Variants in ROS1 observed in about 807,000 individuals in gnomAD.
ROS1 encodes proto-oncogene tyrosine-protein kinase ROS.
ROS1 carries 263 observed loss-of-function variants against 273.5 expected under a neutral mutation model. The observed-to-expected ratio is 0.96, with a 90% CI of 0.87 to 1.06. The LOEUF (loss-of-function observed/expected upper bound fraction) is 1.06, where lower values mean the gene tolerates loss of function less well. Ranked by LOEUF, ROS1 falls within the 50% of genes least tolerant of loss-of-function variation. The pLI, the probability that ROS1 is intolerant of heterozygous loss-of-function variation, is 0.00. For synonymous variants in ROS1, 1,008 were observed against 954.1 expected (o/e 1.06, Z -1.04); for missense variants, 2,833 against 2,751.1 (o/e 1.03, Z -0.67).
At chr6:117,316,506 A>C (rs1361191991) in intron 39 of ROS1, among the ~76,000 whole-genome samples, 1 of 152,130 alleles carries the variant, frequency 6.6e-6, no homozygotes, top group Non-Finnish European at 1.5e-5. Flanking sequence ...AGTCACCCCC[A>C]GTCCTGTCCG....
intron 3 of ROS1, among the ~76,000 whole-genome samples, chr6:117,415,853 C>G (rs1036436732): frequency 6.6e-6 from 1 of 152,154 alleles, no homozygotes. Context: ...GTTACAAGTG[C>G]AGAATCTCAG....
chr6:117,412,114 GGCCA>G (rs1774961523), intron 4 of ROS1, among the ~76,000 whole-genome samples: 1 of 152,092 alleles, frequency 6.6e-6, no homozygotes, highest in African/African-American at 2.4e-5. Flanking sequence ...AGGTCAGTGT[GGCCA>G]GCACAGAGAC....
In ROS1 at chr6:117,399,257, C is replaced by T. The variant is rs78175683; in HGVS notation, c.605-2141G>A. On this transcript the variant is annotated intron_variant, in intron 7 of 43. Coordinates refer to ENST00000368507, the MANE Select transcript of ROS1 (RefSeq NM_001378902.1). ...GATTTGCCCAGCCAATGTCCCTGCA[C>T]GGTATTTCTGTAGCACCGGAAAATG... 1.8e-3 allele frequency among the ~76,000 whole-genome samples: 269 copies of T among 152,286 alleles called. 3 individuals are homozygous for T. Among genetic ancestry groups the T allele is most frequent in the African/African-American group, 6.0e-3 (251 of 41,562 alleles).
At chr6:117,334,392 A>G (rs566409598) in intron 32 of ROS1, among the ~76,000 whole-genome samples, 2 of 152,342 alleles carry the variant, frequency 1.3e-5, no homozygotes, top group African/African-American at 2.4e-5. Flanking sequence ...GACAGGAATA[A>G]TGAGTATCAT....
In ROS1 at chr6:117,326,445, C is replaced by T. The variant is rs1218473485; in HGVS notation, c.5349-31G>A. The T allele has an allele frequency of 5.4e-6, 7 of 1,302,000 alleles. No homozygotes were observed. The Admixed American group carries it at 1.9e-4, about 35-fold the overall frequency. The allele number at this position is 1,302,000 out of a possible 1,614,324, so 80.7% of individuals were successfully genotyped here. Reference sequence around the variant, plus strand: ...AAAAATAATAAATACAGAAAATATACATGACAATATACCTGTTATTTCTAG... The same window carrying T: ...AAAAATAATAAATACAGAAAATATATATGACAATATACCTGTTATTTCTAG... On this transcript the variant is annotated intron_variant, in intron 33 of 43. Coordinates refer to ENST00000368507, the MANE Select transcript of ROS1 (RefSeq NM_001378902.1).
chr6:117,338,811 A>G (rs1777675450), intron 31 of ROS1, among the ~76,000 whole-genome samples: 1 of 152,052 alleles, frequency 6.6e-6, no homozygotes. Flanking sequence ...AGGACTTTCC[A>G]TTTGTCAGAA....
chr6:117,322,802 C>T (rs939428151), intron 35 of ROS1, among the ~76,000 whole-genome samples: 2 of 152,066 alleles, frequency 1.3e-5, no homozygotes, highest in Non-Finnish European at 2.9e-5. Flanking sequence ...AGCAAAGAAC[C>T]GAATTAGCTT....
intron 7 of ROS1, among the ~76,000 whole-genome samples, chr6:117,401,434 C>T (rs1414049757): frequency 6.6e-6 from 1 of 152,158 alleles, no homozygotes; most frequent in Non-Finnish European, 1.5e-5. Flanking sequence ...TGTCACATCG[C>T]ACTTCCTACT....
intron 18 of ROS1, among the ~76,000 whole-genome samples, chr6:117,374,917 A>G (rs1179208815): frequency 1.3e-5 from 2 of 152,224 alleles, no homozygotes; most frequent in South Asian, 2.1e-4. Context: ...CTAAAAGTAG[A>G]TCTACCATTT....
chr6:117,322,772 C>A lies in ROS1; in HGVS notation c.5624-1378G>T, dbSNP rs146800136. On this transcript the variant is annotated intron_variant, in intron 35 of 43. Coordinates refer to ENST00000368507, the MANE Select transcript of ROS1 (RefSeq NM_001378902.1). ...CACACACACGCTCTTACTAGTAAAA[C>A]CACATGCACTGCTGCTAAAAGCAAA... Among the ~76,000 whole-genome samples, 136 of 152,276 alleles carry A rather than the reference C, an allele frequency of 8.9e-4. 1 individual carries two copies. Among genetic ancestry groups the A allele is most frequent in the African/African-American group, 3.2e-3 (133 of 41,568 alleles).
intron 27 of ROS1, 151 bp downstream of exon 27, chr6:117,352,839 T>C (rs1250577707): frequency 6.2e-6 from 4 of 641,310 alleles, no homozygotes; most frequent in Non-Finnish European, 1.0e-5. Context: ...CAAACAGCAA[T>C]CACAGTGCAC....
In ROS1 at chr6:117,288,306, GCTGGTATGGGGATTGCTACAA is replaced by G; in HGVS notation, c.*165_*185del. On this transcript the variant is annotated 3_prime_UTR_variant, in exon 44 of 44. Transcript: ENST00000368507. ...TCATAATTCTACTGAAAGTCAGGCA[GCTGGTATGGGGATTGCTACAA>G]CTGAAACCAAATGGCTCTCAGAACC... 1 of 593,916 alleles carries G rather than the reference GCTGGTATGGGGATTGCTACAA, an allele frequency of 1.7e-6. No homozygotes were observed. The highest frequency in any genetic ancestry group is 2.9e-6 in the Non-Finnish European group (1 of 339,846). 36.8% of individuals were successfully genotyped at this position (593,916 alleles called of 1,614,324 possible).
rs2128661194 is a variant in ROS1 at position 117,365,726 on chromosome 6, G to C, written c.2813C>G (p.Thr938Ser). The change falls in exon 20 of 44, where the codon ACC (threonine) becomes AGC (serine). Residue 938 changes from threonine to serine, a missense_variant. Thr to Ser is a moderately conservative substitution (Grantham distance 58, BLOSUM62 1). Coordinates refer to ENST00000368507, the MANE Select transcript of ROS1 (RefSeq NM_001378902.1). The stretch of plus-strand genomic sequence containing the variant: ...AACAGAATCTGGAATAACCTTAGGG[G>C]TAAAGGAAAAGTTCCCTACAGGATG... Reference protein sequence around the residue: ...LKPLPGNFSFTPKVIPDSVQE... With the variant: ...LKPLPGNFSFSPKVIPDSVQE... The C allele has an allele frequency of 6.3e-7, 1 of 1,576,780 alleles. No homozygotes were observed. Among genetic ancestry groups the C allele is most frequent in the South Asian group, 1.2e-5 (1 of 83,782 alleles).
intron 16 of ROS1, among the ~76,000 whole-genome samples, chr6:117,385,155 G>A (rs1408428386): frequency 3.9e-5 from 6 of 152,156 alleles, no homozygotes; most frequent in South Asian, 2.1e-4. Context: ...AAGAACCAAC[G>A]CTCAGGTGAG....
chr6:117,314,116 C>T (rs575997115), intron 39 of ROS1, among the ~76,000 whole-genome samples: 10 of 152,114 alleles, frequency 6.6e-5, no homozygotes, highest in African/African-American at 2.2e-4. Flanking sequence ...CCCAGCCCCA[C>T]CACAAAACAA....
intron 37 of ROS1, among the ~76,000 whole-genome samples, chr6:117,319,046 A>T (rs1776103807): frequency 6.6e-6 from 1 of 152,150 alleles, no homozygotes; most frequent in Non-Finnish European, 1.5e-5. Context: ...AGAAGCAGAG[A>T]GAATTTTGCC....
intron 21 of ROS1, 30 bp downstream of exon 21, chr6:117,365,030 A>G (rs759228495): frequency 4.4e-6 from 7 of 1,598,264 alleles, no homozygotes; most frequent in Non-Finnish European, 6.0e-6. Flanking sequence ...CTGCTTTTTT[A>G]AGAAAAAAGA....
intron 43 of ROS1, among the ~76,000 whole-genome samples, chr6:117,290,989 AATT>A (rs1773797781): frequency 6.6e-6 from 1 of 152,210 alleles, no homozygotes; most frequent in African/African-American, 2.4e-5. Context: ...TTGAAAAAAT[AATT>A]AAGTTTAGGT....
At chr6:117,379,243 T>A in intron 17 of ROS1, 84 bp from the exon 18 acceptor site, 1 of 777,644 alleles carries the variant, frequency 1.3e-6, no homozygotes. Flanking sequence ...AAGCTATAGA[T>A]TTCTCTTTAA....
Sources: allele counts gnomAD v4.1 joint callset (sites outside exome capture counted in the v4.1 genomes callset), GRCh38; gene constraint gnomAD v4.1.1; transcripts MANE v1.5; gene names NCBI Gene and HGNC (gene_info 2026-07-23, HGNC 2026-07-21).